RNGTT: variants seen among roughly 807,000 people sequenced by gnomAD.
The protein encoded by RNGTT is RNA guanylyltransferase and 5'-phosphatase, also known as mRNA-capping enzyme.
In RNGTT, 33 loss-of-function variants were observed where a neutral mutation model predicts 79.3. The ratio of observed to expected loss-of-function variants is 0.42; its 90% CI spans 0.32 to 0.56. The LOEUF (loss-of-function observed/expected upper bound fraction) is 0.56. Among genes scored for constraint, RNGTT ranks in the 20% least tolerant of loss-of-function variants. The pLI, the probability that RNGTT is intolerant of heterozygous loss-of-function variation, is 0.17. For synonymous variants in RNGTT, 222 were observed against 235.9 expected (o/e 0.94, Z 0.54); for missense variants, 497 against 739.1 (o/e 0.67, Z 3.80).
chr6:88,889,255 G>A (rs1022771412), intron 8 of RNGTT, among the ~76,000 whole-genome samples: 1 of 151,782 alleles, frequency 6.6e-6, no homozygotes, highest in Admixed American at 6.6e-5. Context: ...TTCCAACAGA[G>A]GCAGACAATT....
At chr6:88,666,412 G>A (rs1774409769) in intron 14 of RNGTT, among the ~76,000 whole-genome samples, 1 of 152,242 alleles carries the variant, frequency 6.6e-6, no homozygotes, top group Admixed American at 6.5e-5. Flanking sequence ...CACAAGAAGT[G>A]GATAAACTAA....
Position 88,771,338 on chromosome 6 carries a change from TATATATATATATACACAC to T in RNGTT, c.1339-1482_1339-1465del, listed in dbSNP as rs1239371485. Among the ~76,000 whole-genome samples the T allele has an allele frequency of 1.2e-3, 151 of 127,166 alleles. 1 individual carries two copies. The highest frequency in any genetic ancestry group is 4.6e-3 in the African/African-American group (142 of 30,644). 83.4% of individuals were successfully genotyped at this position (127,166 alleles called of 152,430 possible). ...GTGTATATATATATATATATATATA[TATATATATATATACACAC>T]ACACACACACACACAATTTCTTTTC... is the stretch of plus-strand genomic sequence containing the variant. On this transcript the variant is annotated intron_variant, in intron 12 of 15. Coordinates refer to ENST00000369485, the MANE Select transcript of RNGTT (RefSeq NM_003800.5).
intron 6 of RNGTT, among the ~76,000 whole-genome samples, chr6:88,892,576 G>C (rs1201813267): frequency 6.6e-6 from 1 of 151,980 alleles, no homozygotes; most frequent in Admixed American, 6.6e-5. Flanking sequence ...TACATATTTT[G>C]AAATATCACA....
chr6:88,870,064 A>G (rs1157596739), intron 8 of RNGTT, among the ~76,000 whole-genome samples: 1 of 152,168 alleles, frequency 6.6e-6, no homozygotes, highest in African/African-American at 2.4e-5. Flanking sequence ...AAGGAAGCTC[A>G]CCTGCCAGCA....
intron 13 of RNGTT, among the ~76,000 whole-genome samples, chr6:88,691,140 T>C (rs1400244041): frequency 1.3e-5 from 2 of 152,178 alleles, no homozygotes; most frequent in African/African-American, 4.8e-5. Flanking sequence ...GACCAGCTCA[T>C]GGGAATGGAT....
intron 13 of RNGTT, among the ~76,000 whole-genome samples, chr6:88,761,779 T>C (rs1778267035): frequency 6.6e-6 from 1 of 152,156 alleles, no homozygotes; most frequent in Non-Finnish European, 1.5e-5. Context: ...CCTAAAATAT[T>C]GACTATCTGG....
In RNGTT at chr6:88,769,513, AT is replaced by A. The variant is rs564827112; in HGVS notation, c.1439+260del. On this transcript the variant is annotated intron_variant, in intron 13 of 15. Transcript: ENST00000369485. ...CTTTTATATTGTTGTTATTAATATA[AT>A]TATATTAATGAAAATGATTTTAAAA... Among the ~76,000 whole-genome samples, 573 of 152,128 alleles carry A rather than the reference AT, an allele frequency of 3.8e-3. 2 individuals carry two copies. The highest frequency in any genetic ancestry group is 9.4e-3 in the Admixed American group (144 of 15,268).
At chr6:88,830,051 A>G (rs1780802835) in intron 11 of RNGTT, among the ~76,000 whole-genome samples, 1 of 152,228 alleles carries the variant, frequency 6.6e-6, no homozygotes, top group Admixed American at 6.5e-5. Context: ...CCTAATAGAC[A>G]TCTACAGAAC....
intron 13 of RNGTT, among the ~76,000 whole-genome samples, chr6:88,744,084 G>T (rs988780668): frequency 6.6e-6 from 1 of 151,910 alleles, no homozygotes; most frequent in African/African-American, 2.4e-5. Context: ...ATTTATATTT[G>T]CATTTGTCAC....
intron 1 of RNGTT, among the ~76,000 whole-genome samples, chr6:88,943,632 G>A (rs1280802008): frequency 1.3e-5 from 2 of 151,020 alleles, no homozygotes; most frequent in Admixed American, 1.3e-4. Flanking sequence ...TATTCTATTA[G>A]GAAAATATAA....
At chr6:88,652,560 T>C (rs1033139893) in intron 14 of RNGTT, among the ~76,000 whole-genome samples, 1 of 152,162 alleles carries the variant, frequency 6.6e-6, no homozygotes, top group Non-Finnish European at 1.5e-5. Flanking sequence ...ATCTCAAACT[T>C]CTGAAGGTGC....
intron 13 of RNGTT, among the ~76,000 whole-genome samples, chr6:88,722,548 ACTTACATGATAATTTTGAC>A (rs1263916248): frequency 6.6e-6 from 1 of 152,182 alleles, no homozygotes; most frequent in East Asian, 1.9e-4. Context: ...TGGTAAGAAC[ACTTACATGATAATTTTGAC>A]AAATTACTGG....
intron 13 of RNGTT, among the ~76,000 whole-genome samples, chr6:88,717,067 T>C (rs1776543448): frequency 6.6e-6 from 1 of 152,190 alleles, no homozygotes; most frequent in African/African-American, 2.4e-5. Flanking sequence ...TCAAAATAAG[T>C]GAGAACTTAT....
intron 8 of RNGTT, among the ~76,000 whole-genome samples, chr6:88,888,274 ACT>A (rs945419572): frequency 6.6e-6 from 1 of 151,898 alleles, no homozygotes; most frequent in African/African-American, 2.4e-5. Context: ...CACGTTTTCC[ACT>A]CTTTCTCCAC....
intron 11 of RNGTT, among the ~76,000 whole-genome samples, chr6:88,802,785 T>C (rs1038159122): frequency 2.6e-4 from 39 of 152,116 alleles, no homozygotes; most frequent in African/African-American, 8.9e-4. Context: ...GAACTCACTA[T>C]CATGAGAACA....
chr6:88,842,618 G>A (rs1230030184), intron 11 of RNGTT, among the ~76,000 whole-genome samples: 1 of 152,116 alleles, frequency 6.6e-6, no homozygotes, highest in African/African-American at 2.4e-5. Context: ...TTCCCTGAAG[G>A]AATGGAAGAG....
intron 8 of RNGTT, among the ~76,000 whole-genome samples, chr6:88,885,028 C>T (rs184086876): frequency 1.6e-4 from 24 of 151,522 alleles, no homozygotes; most frequent in Non-Finnish European, 2.2e-4. Flanking sequence ...AGTATCAGTA[C>T]GAACTCGTGA....
intron 1 of RNGTT, among the ~76,000 whole-genome samples, chr6:88,948,499 C>A (rs1318622062): frequency 4.9e-5 from 7 of 142,400 alleles, no homozygotes; most frequent in African/African-American, 1.8e-4. Context: ...GGGGGGTCAG[C>A]CCCCCGCCCG....
At chr6:88,628,092 T>C (rs1772703441) in intron 14 of RNGTT, among the ~76,000 whole-genome samples, 2 of 152,126 alleles carry the variant, frequency 1.3e-5, no homozygotes, top group Non-Finnish European at 2.9e-5. Context: ...GATAATCACA[T>C]TGCTCAGAGC....
Sources: gnomAD v4.1 joint callset for allele counts (sites outside exome capture counted in the v4.1 genomes callset) on GRCh38, gnomAD v4.1.1 for gene constraint, MANE v1.5 for transcripts, NCBI Gene and HGNC (gene_info 2026-07-23, HGNC 2026-07-21) for gene names.